Variants in DNAJA3 observed in about 807,000 individuals in gnomAD.
DNAJA3 encodes DnaJ heat shock protein family (Hsp40) member A3.
Under a neutral mutation model 54.9 loss-of-function variants are expected in DNAJA3, and 29 were observed. The observed-to-expected ratio is 0.53, with a 90% CI of 0.39 to 0.72. The LOEUF (loss-of-function observed/expected upper bound fraction) is 0.72, where lower values mean the gene tolerates loss of function less well. Among genes scored for constraint, DNAJA3 ranks in the 30% least tolerant of loss-of-function variants. The pLI is 0.00. For missense variants in DNAJA3, 708 were observed against 639.4 expected (o/e 1.11, Z -1.16); for synonymous variants, 302 against 251.4 (o/e 1.20, Z -1.90).
chr16:4,441,736 G>A (rs939466752), intron 4 of DNAJA3, among the ~76,000 whole-genome samples, 161 bp downstream of exon 4: 5 of 152,178 alleles, frequency 3.3e-5, no homozygotes, highest in African/African-American at 7.2e-5. Context: ...TTGAAAAATC[G>A]CATAGGTAGT....
At chr16:4,428,319 C>T (rs920468817) in intron 1 of DNAJA3, among the ~76,000 whole-genome samples, 1 of 152,114 alleles carries the variant, frequency 6.6e-6, no homozygotes, top group African/African-American at 2.4e-5. Context: ...GATCCTGGCT[C>T]ACTTCAGCCT....
intron 10 of DNAJA3, among the ~76,000 whole-genome samples, chr16:4,453,942 ATATTC>A (rs1412728328): frequency 6.6e-6 from 1 of 152,200 alleles, no homozygotes; most frequent in Non-Finnish European, 1.5e-5. Context: ...GTTCAGGTCT[ATATTC>A]TAACTCACAA....
At chr16:4,442,554 C>T (rs751829102) in intron 5 of DNAJA3, 134 bp downstream of exon 5, 5 of 1,126,172 alleles carry the variant, frequency 4.4e-6, no homozygotes, top group African/African-American at 1.6e-5. Context: ...TGTCTTTCCC[C>T]CGTGACCCTG....
intron 4 of DNAJA3, 76 bp downstream of exon 4, chr16:4,441,651 G>T (rs2056838538): frequency 6.7e-7 from 1 of 1,486,890 alleles, no homozygotes; most frequent in African/African-American, 1.4e-5. Flanking sequence ...ATCAGTTTCT[G>T]TTTCTCAGAA....
In DNAJA3 at chr16:4,448,811, G is replaced by A. The variant is rs1349978109; in HGVS notation, c.1204G>A (p.Gly402Arg). 8 of 1,614,056 alleles carry A rather than the reference G, an allele frequency of 5.0e-6. No individual in the cohort carries two copies. The highest frequency in any genetic ancestry group is 2.2e-5 in the South Asian group (2 of 91,060). Residue 402 changes from glycine to arginine, a missense_variant, in exon 9 of 12, where the codon GGA becomes AGA. Gly to Arg is a moderately radical substitution (Grantham distance 125, BLOSUM62 -2). Coordinates refer to ENST00000262375, the MANE Select transcript of DNAJA3 (RefSeq NM_005147.6). The part of the protein sequence containing the change: ...GIPRINSYGY[G>R]DHYIHIKIRV... ...CCCCCGGATTAACAGCTACGGCTAC[G>A]GAGACCACTACATCCACATCAAGAT...
At position 4,446,932 on chromosome 16, in the gene DNAJA3, C is replaced by G. The variant is rs891096639; in HGVS notation, c.1043C>G (p.Ser348Cys). ...CGGAGGGACGGCGCAGACATCCACT[C>G]CGACCTCTTTATTTCTATAGCTCAG... is the stretch of plus-strand genomic sequence containing the variant. ...VFRRDGADIHSDLFISIAQAL... is the reference protein window; with the variant it reads ...VFRRDGADIHCDLFISIAQAL... The change falls in exon 8 of 12, where the codon TCC becomes TGC. Residue 348 changes from serine (S) to cysteine (C), a missense_variant. By Grantham distance (112) the Ser-to-Cys change is moderately radical. Coordinates refer to ENST00000262375, the MANE Select transcript of DNAJA3 (RefSeq NM_005147.6). 1 of 1,614,166 alleles carries G rather than the reference C, an allele frequency of 6.2e-7. No individual in the cohort carries two copies. Among genetic ancestry groups the G allele is most frequent in the African/African-American group, 1.3e-5 (1 of 75,034 alleles).
intron 8 of DNAJA3, 142 bp from the exon 9 acceptor site, chr16:4,448,591 C>T: frequency 1.6e-6 from 1 of 639,582 alleles, no homozygotes; most frequent in East Asian, 2.7e-5. Flanking sequence ...ATCAGCCTGC[C>T]TCGACCTCCC....
At chr16:4,444,340 CTTTTCTTTTTT>C (rs2056875914) in intron 6 of DNAJA3, among the ~76,000 whole-genome samples, 1 of 146,808 alleles carries the variant, frequency 6.8e-6, no homozygotes, top group Non-Finnish European at 1.5e-5. Context: ...TTTTCTTTTT[CTTTTCTTTTTT>C]TTTTTTTTTT....
chr16:4,437,640 A>C, intron 3 of DNAJA3, 155 bp downstream of exon 3: 1 of 628,828 alleles, frequency 1.6e-6, no homozygotes. Flanking sequence ...ATAAAAAAAA[A>C]GAGATTCCAG....
chr16:4,444,390 C>T (rs999836658), intron 6 of DNAJA3, among the ~76,000 whole-genome samples: 11 of 148,376 alleles, frequency 7.4e-5, no homozygotes, highest in African/African-American at 2.7e-4. Flanking sequence ...TGTTGCCAGG[C>T]TGGCGTGTAG....
At position 4,456,122 on chromosome 16, in the gene DNAJA3, T is replaced by A. The variant is rs2057032771; in HGVS notation, c.*590T>A. On this transcript the variant is annotated 3_prime_UTR_variant, in exon 12 of 12. Coordinates refer to ENST00000262375, the MANE Select transcript of DNAJA3 (RefSeq NM_005147.6). Reference sequence around the variant, plus strand: ...CCCGGGGTACCAAGCAGCTGCACAGTCGGTGCCTGGGAGGCACGTAGAGGC... The same window carrying A: ...CCCGGGGTACCAAGCAGCTGCACAGACGGTGCCTGGGAGGCACGTAGAGGC... The A allele has an allele frequency of 6.4e-6, 1 of 156,458 alleles. No homozygotes were observed. Among genetic ancestry groups the A allele is most frequent in the South Asian group, 1.9e-4 (1 of 5,204 alleles). The allele number at this position is 156,458 out of a possible 1,614,324, so 9.7% of individuals were successfully genotyped here.
chr16:4,449,875 C>T (rs2056954897), intron 9 of DNAJA3: 1 of 151,362 alleles, frequency 6.6e-6, no homozygotes, highest in Admixed American at 6.6e-5. Flanking sequence ...GTGCAATCTC[C>T]ACCTCCCAGA....
At chr16:4,447,108 G>A in intron 8 of DNAJA3, 94 bp downstream of exon 8, 1 of 1,472,890 alleles carries the variant, frequency 6.8e-7, no homozygotes. Context: ...GAACCCATGA[G>A]TGACCAGCAT....
In DNAJA3 at chr16:4,442,337, G is replaced by A. The variant is rs2056846454; in HGVS notation, c.700G>A (p.Asp234Asn). 1.2e-6 allele frequency: 2 copies of A among 1,609,782 alleles called. No individual in the cohort carries two copies. Among genetic ancestry groups the A allele is most frequent in the Admixed American group, 1.7e-5 (1 of 59,612 alleles). The change falls in exon 5 of 12, where the codon GAC (aspartate) becomes AAC (asparagine). Residue 234 changes from aspartate (D) to asparagine (N), a missense_variant. By Grantham distance (23) the Asp-to-Asn change is conservative. Coordinates refer to ENST00000262375, the MANE Select transcript of DNAJA3 (RefSeq NM_005147.6). ...VNKEFTVNIM[D>N]TCERCNGKGN... is the part of the protein sequence containing the mutation. ...CAAGGAGTTCACCGTGAACATCATG[G>A]ACACGTGTGAGCGCTGCAACGGCAA...
At chr16:4,455,011 GC>G (rs2141400375) in intron 11 of DNAJA3, 84 bp downstream of exon 11, 2 of 935,828 alleles carry the variant, frequency 2.1e-6, no homozygotes, top group East Asian at 2.6e-5. Flanking sequence ...CCAATATTGT[GC>G]CCCCACCCCC....
intron 3 of DNAJA3, among the ~76,000 whole-genome samples, chr16:4,438,516 C>T (rs1344714185): frequency 2.6e-5 from 4 of 152,008 alleles, no homozygotes; most frequent in South Asian, 4.1e-4. Context: ...CCATTATTGT[C>T]CTATAAGAAT....
chr16:4,450,783 C>G (rs1286612129), intron 10 of DNAJA3, among the ~76,000 whole-genome samples: 1 of 152,208 alleles, frequency 6.6e-6, no homozygotes, highest in African/African-American at 2.4e-5. Flanking sequence ...GTTCTGAGTT[C>G]TATTCTTGGT....
At chr16:4,446,839 T>G (rs1240787328) in intron 7 of DNAJA3, 47 bp from the exon 8 acceptor site, 1 of 1,605,728 alleles carries the variant, frequency 6.2e-7, no homozygotes, top group Non-Finnish European at 8.5e-7. Flanking sequence ...TGGTGTTTAG[T>G]CTGCAGTGGA....
chr16:4,430,597 G>C (rs7200817), intron 1 of DNAJA3: 92,385 of 151,654 alleles, frequency 0.61, 29,573 homozygotes, highest in Non-Finnish European at 0.72. Flanking sequence ...TTGTTGGACA[G>C]TGGGTTGGCC....
Sources: gnomAD v4.1 joint callset for allele counts (sites outside exome capture counted in the v4.1 genomes callset) on GRCh38, gnomAD v4.1.1 for gene constraint, MANE v1.5 for transcripts, NCBI Gene and HGNC (gene_info 2026-07-23, HGNC 2026-07-21) for gene names.